The following MREG variants were observed in gnomAD, a reference collection of about 807,000 sequenced individuals.
MREG encodes melanoregulin, also known as dilute suppressor protein homolog.
A neutral mutation model predicts 28.5 loss-of-function variants in MREG; 31 were observed. That is an observed-to-expected ratio of 1.09 (90% CI 0.82 to 1.47). The LOEUF (loss-of-function observed/expected upper bound fraction) is 1.47, where lower values mean the gene tolerates loss of function less well. MREG is among the 40% of genes most tolerant of loss of function. The probability of loss-of-function intolerance (pLI) is 0.00; values close to 1 mark genes in which losing one functional copy is unlikely to be tolerated. For missense variants in MREG, 256 were observed against 257.4 expected, an observed-to-expected ratio of 0.99 and a Z score of 0.04; for synonymous variants, 106 against 95.2, an observed-to-expected ratio of 1.11 and a Z score of -0.66.
chr2:215,962,362 G>A (rs1040033007), intron 2 of MREG, among the ~76,000 whole-genome samples: 3 of 152,146 alleles, frequency 2.0e-5, no homozygotes, highest in Non-Finnish European at 4.4e-5. Flanking sequence ...GGTTAAAAGA[G>A]CAAAACTCAG....
rs771666049 is a variant in MREG, at chr2:215,943,373, A to C, written c.*1490T>G. 15 of 456,474 alleles carry C rather than the reference A, an allele frequency of 3.3e-5. No homozygotes were observed. The highest frequency in any genetic ancestry group is 2.6e-4 in the African/African-American group (13 of 50,072). The allele number at this position is 456,474 out of a possible 1,614,324, so 28.3% of individuals were successfully genotyped here. On this transcript the variant is annotated 3_prime_UTR_variant, in exon 5 of 5. Transcript: ENST00000263268. ...CTCCCTTTTGAAAATTATCTTCTGA[A>C]GAGAAGAAGGTCCAGCAAAGATCTT...
At chr2:215,991,321 T>A (rs1693714586) in intron 2 of MREG, among the ~76,000 whole-genome samples, 2 of 152,160 alleles carry the variant, frequency 1.3e-5, no homozygotes. Flanking sequence ...AAGGCAGAGA[T>A]AAATAAGTTC....
At chr2:216,004,040 G>A (rs1694089568) in intron 1 of MREG, among the ~76,000 whole-genome samples, 1 of 152,144 alleles carries the variant, frequency 6.6e-6, no homozygotes, top group South Asian at 2.1e-4. Context: ...GTGGTCCCCA[G>A]GCCTGCAGTG....
At position 215,944,911 on chromosome 2, in the gene MREG, C is replaced by T; in HGVS notation, c.597G>A (p.Leu199=). The T allele has an allele frequency of 1.2e-6, 2 of 1,608,262 alleles. No homozygotes were observed. The highest frequency in any genetic ancestry group is 1.7e-6 in the Non-Finnish European group (2 of 1,175,250). The change falls in exon 5 of 5, where the codon CTG becomes CTA. Residue 199 remains leucine (L), a synonymous_variant. Coordinates refer to ENST00000263268, the MANE Select transcript of MREG (RefSeq NM_018000.3). ...AGTGCAGTTCTTTCTGGCCATCTGC[C>T]AGGCATGGAACCCCAGGCTTCTTGG... ...TYPKKPGVPC[L]ADGQKELHYL...
chr2:215,958,428 T>C (rs1692690627), intron 2 of MREG, among the ~76,000 whole-genome samples: 1 of 152,058 alleles, frequency 6.6e-6, no homozygotes, highest in Non-Finnish European at 1.5e-5. Context: ...TTAACAAACA[T>C]CCAAATGTAT....
intron 2 of MREG, among the ~76,000 whole-genome samples, chr2:215,950,893 G>A (rs1220831711): frequency 2.0e-5 from 3 of 152,192 alleles, no homozygotes; most frequent in Non-Finnish European, 4.4e-5. Context: ...CTGGATCATA[G>A]AGGTGGTTTC....
At chr2:216,031,421 A>G (rs909031405) in intron 1 of MREG, among the ~76,000 whole-genome samples, 4 of 70,140 alleles carry the variant, frequency 5.7e-5, no homozygotes, top group Non-Finnish European at 9.7e-5. Context: ...AGAAAGGAAG[A>G]AAGAAAGAAA....
chr2:215,972,405 G>T (rs750220376), intron 2 of MREG, among the ~76,000 whole-genome samples: 1 of 152,180 alleles, frequency 6.6e-6, no homozygotes, highest in South Asian at 2.1e-4. Flanking sequence ...CACTTTGGGA[G>T]GCCGAGGCAA....
intron 2 of MREG, among the ~76,000 whole-genome samples, chr2:215,982,183 T>C (rs1219930821): frequency 6.6e-6 from 1 of 152,062 alleles, no homozygotes; most frequent in East Asian, 1.9e-4. Context: ...TAGCCGGATG[T>C]GGTGGTGCAT....
At chr2:215,972,272 G>A (rs1559182049) in intron 2 of MREG, among the ~76,000 whole-genome samples, 1 of 152,152 alleles carries the variant, frequency 6.6e-6, no homozygotes, top group Non-Finnish European at 1.5e-5. Context: ...AGAAAGCACT[G>A]AACTGGCCTA....
chr2:215,958,767 C>T (rs1258772559), intron 2 of MREG, among the ~76,000 whole-genome samples: 1 of 152,178 alleles, frequency 6.6e-6, no homozygotes, highest in Non-Finnish European at 1.5e-5. Flanking sequence ...TTAGGGGAGT[C>T]TTATAGTCCT....
intron 2 of MREG, among the ~76,000 whole-genome samples, chr2:215,968,240 G>T (rs77024196): frequency 6.6e-6 from 1 of 152,120 alleles, no homozygotes. Context: ...AACCCCTTCT[G>T]CTGAGTCACC....
chr2:215,987,578 A>T (rs1009576699), intron 2 of MREG, among the ~76,000 whole-genome samples: 3 of 152,116 alleles, frequency 2.0e-5, no homozygotes, highest in Non-Finnish European at 4.4e-5. Flanking sequence ...CATTACTTTT[A>T]TACTTTTAAA....
chr2:216,001,001 C>T (rs911361902), intron 1 of MREG, among the ~76,000 whole-genome samples: 9 of 151,986 alleles, frequency 5.9e-5, no homozygotes, highest in African/African-American at 2.2e-4. Flanking sequence ...GTCTCTCTGT[C>T]CCTCCTCTCT....
At chr2:215,969,887 G>A (rs1693042264) in intron 2 of MREG, among the ~76,000 whole-genome samples, 1 of 152,054 alleles carries the variant, frequency 6.6e-6, no homozygotes, top group Non-Finnish European at 1.5e-5. Flanking sequence ...CGGGTTCAGA[G>A]GGAAAGAAAA....
intron 1 of MREG, among the ~76,000 whole-genome samples, chr2:216,008,356 T>C (rs1486771152): frequency 2.0e-5 from 3 of 152,250 alleles, no homozygotes; most frequent in Non-Finnish European, 4.4e-5. Context: ...TACTCTCTAA[T>C]TTCTATTAGC....
At chr2:215,991,065 T>C (rs1411638649) in intron 2 of MREG, among the ~76,000 whole-genome samples, 2 of 152,138 alleles carry the variant, frequency 1.3e-5, no homozygotes, top group Non-Finnish European at 2.9e-5. Context: ...TGTACAGAAC[T>C]CTCCAACCCA....
At chr2:216,021,753 G>A (rs1029692001) in intron 1 of MREG, among the ~76,000 whole-genome samples, 3 of 152,178 alleles carry the variant, frequency 2.0e-5, no homozygotes, top group African/African-American at 2.4e-5. Flanking sequence ...CAATTTCATG[G>A]GAAATGGGAA....
intron 2 of MREG, among the ~76,000 whole-genome samples, chr2:215,991,908 C>A (rs929732118): frequency 2.0e-5 from 3 of 152,092 alleles, no homozygotes; most frequent in African/African-American, 4.8e-5. Flanking sequence ...TAATTAATAG[C>A]CTACCAACCA....
Sources: allele counts gnomAD v4.1 joint callset (sites outside exome capture counted in the v4.1 genomes callset), GRCh38; gene constraint gnomAD v4.1.1; transcripts MANE v1.5; gene names NCBI Gene and HGNC (gene_info 2026-07-23, HGNC 2026-07-21).